The following GMDS variants were observed in gnomAD, a reference collection of about 807,000 sequenced individuals.
GMDS encodes GDP-mannose 4,6-dehydratase.
Under a neutral mutation model 49.9 loss-of-function variants are expected in GMDS, and 20 were observed. The observed-to-expected ratio is 0.40, with a 90% CI of 0.28 to 0.58. The LOEUF (loss-of-function observed/expected upper bound fraction) is 0.58. Ranked by LOEUF, GMDS falls within the 20% of genes least tolerant of loss-of-function variation. The pLI is 0.42. For missense variants in GMDS, 362 were observed against 481.4 expected (o/e 0.75, Z 2.32); for synonymous variants, 177 against 178.6 (o/e 0.99, Z 0.07).
chr6:2,008,303 T>C (rs9405537), intron 4 of GMDS, among the ~76,000 whole-genome samples: 107,557 of 152,124 alleles, frequency 0.71, 38,261 homozygotes, highest in African/African-American at 0.74. Flanking sequence ...ATTGTTTCTT[T>C]TATTTATTCT....
intron 9 of GMDS, among the ~76,000 whole-genome samples, chr6:1,672,712 C>T (rs1194316855): frequency 6.6e-6 from 1 of 152,168 alleles, no homozygotes. Context: ...GAAAACCCTC[C>T]TGTTCAAATA....
intron 7 of GMDS, among the ~76,000 whole-genome samples, chr6:1,804,142 A>G (rs955203255): frequency 6.6e-6 from 1 of 152,266 alleles, no homozygotes; most frequent in African/African-American, 2.4e-5. Flanking sequence ...TTTGTTTTTA[A>G]TAAGATGCGC....
intron 4 of GMDS, among the ~76,000 whole-genome samples, chr6:2,053,408 A>C (rs895228612): frequency 2.6e-5 from 4 of 152,124 alleles, no homozygotes; most frequent in African/African-American, 9.7e-5. Flanking sequence ...ATCCCAGAAA[A>C]ACAACCACAC....
At chr6:2,183,274 T>C (rs181794264) in intron 1 of GMDS, among the ~76,000 whole-genome samples, 1 of 152,332 alleles carries the variant, frequency 6.6e-6, no homozygotes, top group Admixed American at 6.5e-5. Flanking sequence ...TCTAGATTCA[T>C]GATTCATGGA....
chr6:2,243,840 C>CT (rs1781725608), intron 1 of GMDS, among the ~76,000 whole-genome samples: 6 of 127,146 alleles, frequency 4.7e-5, no homozygotes, highest in African/African-American at 1.7e-4. Flanking sequence ...TCAACTTCTC[C>CT]TTCTTTTTTT....
Position 1,833,124 on chromosome 6 carries a change from GC to G in GMDS, c.772-90539del, listed in dbSNP as rs1384704925. On this transcript the variant is annotated intron_variant, in intron 7 of 10. Transcript: ENST00000380815. The surrounding 1 kb of genome is among the most constrained non-coding windows in gnomAD (Gnocchi z 4.4). ...TCACCCGGCAGTGGAGCGTATGAAA[GC>G]CTTTTTTTTTTTTTTTTTTTTTTTA... 2.3e-5 allele frequency among the ~76,000 whole-genome samples: 3 copies of G among 132,210 alleles called. No individual in the cohort carries two copies. The highest frequency in any genetic ancestry group is 4.8e-5 in the Non-Finnish European group (3 of 61,902). 86.7% of individuals were successfully genotyped at this position (132,210 alleles called of 152,430 possible).
chr6:2,086,314 C>T (rs1209987069), intron 4 of GMDS, among the ~76,000 whole-genome samples: 2 of 152,224 alleles, frequency 1.3e-5, no homozygotes, highest in East Asian at 3.8e-4. Flanking sequence ...TTTCATCCCT[C>T]TACTAGAAGC....
intron 9 of GMDS, among the ~76,000 whole-genome samples, chr6:1,669,762 A>G (rs59679026): frequency 0.11 from 17,091 of 151,624 alleles, 1,157 homozygotes; most frequent in Admixed American, 0.22. Flanking sequence ...AAAATACAAA[A>G]ATTAGCCAGG....
chr6:2,030,329 T>C (rs1768876648), intron 4 of GMDS, among the ~76,000 whole-genome samples: 1 of 152,172 alleles, frequency 6.6e-6, no homozygotes, highest in African/African-American at 2.4e-5. Flanking sequence ...AAGAAAAAGA[T>C]AAGGGAGGCA....
At chr6:1,808,558 C>T (rs79674078) in intron 7 of GMDS, among the ~76,000 whole-genome samples, 7,530 of 152,166 alleles carry the variant, frequency 0.049, 600 homozygotes, top group African/African-American at 0.17. Flanking sequence ...AATTTAGATC[C>T]GGCTTCCTGA....
chr6:2,230,806 TTTAAATGTAGA>T (rs1781053389), intron 1 of GMDS, among the ~76,000 whole-genome samples: 1 of 152,072 alleles, frequency 6.6e-6, no homozygotes, highest in South Asian at 2.1e-4. Flanking sequence ...AAGGTTTATA[TTTAAATGTAGA>T]AAAGCAAAAC....
rs79752368 is a variant in GMDS at position 1,660,760 on chromosome 6, T to C, written c.988-36220A>G. 4.8e-4 allele frequency among the ~76,000 whole-genome samples: 69 copies of C among 144,680 alleles called. 5 individuals carry two copies. In the East Asian group the frequency reaches 0.014, roughly 29 times the overall value. The allele number at this position is 144,680 out of a possible 152,430, so 94.9% of individuals were successfully genotyped here. On this transcript the variant is annotated intron_variant, in intron 9 of 10. Coordinates refer to ENST00000380815, the MANE Select transcript of GMDS (RefSeq NM_001500.4). ...TCTGAATTCAACCTACTGATTTAGT[T>C]TGTGAAGTACAGGCAATACGAGATG...
At chr6:2,168,507 A>G (rs1777784860) in intron 1 of GMDS, among the ~76,000 whole-genome samples, 1 of 152,248 alleles carries the variant, frequency 6.6e-6, no homozygotes, top group Middle Eastern at 3.2e-3. Flanking sequence ...CCACAAATCA[A>G]TATTAAATAA....
Position 1,916,354 on chromosome 6 carries a change from A to G in GMDS, c.771+13749T>C, listed in dbSNP as rs1761396899. 1.3e-5 allele frequency among the ~76,000 whole-genome samples: 2 copies of G among 152,084 alleles called. 1 individual carries two copies. Among genetic ancestry groups the G allele is most frequent in the South Asian group, 4.1e-4 (2 of 4,820 alleles). ...CACGTGCGGGGGTGGGGGGCTGTTC[A>G]TACTCAAGATGCCATTAGCGCAGAT... On this transcript the variant is annotated intron_variant, in intron 7 of 10. Coordinates refer to ENST00000380815, the MANE Select transcript of GMDS (RefSeq NM_001500.4).
At chr6:2,196,917 C>A (rs906648508) in intron 1 of GMDS, among the ~76,000 whole-genome samples, 16 of 152,128 alleles carry the variant, frequency 1.1e-4, no homozygotes, top group African/African-American at 3.6e-4. Flanking sequence ...GGAGCCATGA[C>A]AATTCTAATG....
At chr6:2,025,213 ATTT>A (rs1183371094) in intron 4 of GMDS, among the ~76,000 whole-genome samples, 1 of 152,094 alleles carries the variant, frequency 6.6e-6, no homozygotes, top group African/African-American at 2.4e-5. Context: ...ATTAAAGTTG[ATTT>A]TTATTTTTAT....
At chr6:1,666,493 A>G (rs934281863) in intron 9 of GMDS, among the ~76,000 whole-genome samples, 1 of 152,232 alleles carries the variant, frequency 6.6e-6, no homozygotes, top group Admixed American at 6.5e-5. Context: ...CTACTTGTTT[A>G]TATTAAAAGT....
chr6:2,221,556 T>A (rs1780591050), intron 1 of GMDS, among the ~76,000 whole-genome samples: 1 of 152,092 alleles, frequency 6.6e-6, no homozygotes, highest in Non-Finnish European at 1.5e-5. Context: ...GACCGGCTAA[T>A]TTTTTGTATT....
chr6:2,047,515 T>C (rs1421151501), intron 4 of GMDS, among the ~76,000 whole-genome samples: 1 of 152,194 alleles, frequency 6.6e-6, no homozygotes, highest in Non-Finnish European at 1.5e-5. Context: ...AGACGGAGTT[T>C]CGCTCTTGTT....
Sources: allele counts gnomAD v4.1 joint callset (sites outside exome capture counted in the v4.1 genomes callset), GRCh38; gene constraint gnomAD v4.1.1; non-coding constraint Gnocchi (gnomAD v3.1); transcripts MANE v1.5; gene names NCBI Gene and HGNC (gene_info 2026-07-23, HGNC 2026-07-21).